ABLIM2: variants seen among roughly 807,000 people sequenced by gnomAD.
The protein encoded by ABLIM2 is actin binding LIM protein family member 2, also known as actin-binding LIM protein 2.
Under a neutral mutation model 97.7 loss-of-function variants are expected in ABLIM2, and 53 were observed. That is an observed-to-expected ratio of 0.54 (90% confidence interval 0.44 to 0.68). ABLIM2 has a LOEUF of 0.68. ABLIM2 is among the 30% of genes least tolerant of loss of function. ABLIM2 has a pLI of 0.00. For missense variants in ABLIM2, 835 were observed against 867.2 expected (o/e 0.96, Z 0.47); for synonymous variants, 361 against 345.8 (o/e 1.04, Z -0.49).
Position 8,004,139 on chromosome 4 carries a change from A to T in ABLIM2, c.1618+3920T>A, listed in dbSNP as rs1161341876. Among the ~76,000 whole-genome samples, 1 of 152,034 alleles carries T rather than the reference A, an allele frequency of 6.6e-6. No homozygotes were observed. The highest frequency in any genetic ancestry group is 1.5e-5 in the Non-Finnish European group (1 of 68,022). ...TTCCCTTCCACAGAAAAGCTGCAGC[A>T]GGGTCGCTGTCTCCTAACCCTCCCT... On this transcript the variant is annotated intron_variant, in intron 16 of 20. Transcript: ENST00000447017. The surrounding 1 kb of genome is among the most constrained non-coding windows in gnomAD (Gnocchi z 5.9).
rs1831108213 is a variant in ABLIM2 at position 8,095,533 on chromosome 4, A to G, written c.338+1566T>C. 1.3e-5 allele frequency among the ~76,000 whole-genome samples: 2 copies of G among 152,246 alleles called. No individual in the cohort carries two copies. Among genetic ancestry groups the G allele is most frequent in the Admixed American group, 1.3e-4 (2 of 15,286 alleles). ...GCAGACAGTTTATTTGCAGATCAAC[A>G]TGATCTTTTTTAAAAAATAATTAAT... On this transcript the variant is annotated intron_variant, in intron 3 of 20. Transcript: ENST00000447017. The surrounding 1 kb of genome is among the most constrained non-coding windows in gnomAD (Gnocchi z 4.7).
Position 8,029,688 on chromosome 4 carries a change from G to T in ABLIM2, c.1136C>A (p.Thr379Asn). The change falls in exon 11 of 21, where the codon ACC becomes AAC. Residue 379 changes from threonine (T) to asparagine (N), a missense_variant. Coordinates refer to ENST00000447017, the MANE Select transcript of ABLIM2 (RefSeq NM_001130083.2). ...GSVSLGRYTP[T>N]SRSPQHYSRP... Reference sequence around the variant, plus strand: ...GCTGTAGTGCTGTGGTGACCGTGAGGTCGGAGTGTAGCGCCCGAGGCTAAC... The same window carrying T: ...GCTGTAGTGCTGTGGTGACCGTGAGTTCGGAGTGTAGCGCCCGAGGCTAAC... 6.4e-7 allele frequency: 1 copy of T among 1,551,030 alleles called. No individual in the cohort carries two copies. Among genetic ancestry groups the T allele is most frequent in the Non-Finnish European group, 8.7e-7 (1 of 1,147,112 alleles).
intron 20 of ABLIM2, among the ~76,000 whole-genome samples, chr4:7,977,706 G>A (rs1233000493): frequency 1.3e-5 from 2 of 152,020 alleles, no homozygotes; most frequent in African/African-American, 4.8e-5. Context: ...CAGGAGAATC[G>A]CTTGAACCCA....
chr4:8,029,988 C>A (rs1779850248), intron 10 of ABLIM2, among the ~76,000 whole-genome samples: 1 of 152,180 alleles, frequency 6.6e-6, no homozygotes, highest in Non-Finnish European at 1.5e-5. Flanking sequence ...GCTGTGCCTG[C>A]TGGATCCTTG....
intron 2 of ABLIM2, among the ~76,000 whole-genome samples, chr4:8,104,505 G>A (rs1261292945): frequency 1.3e-5 from 2 of 152,172 alleles, no homozygotes; most frequent in Admixed American, 6.5e-5. Context: ...GTGATTCTTG[G>A]GGCATCAAGT....
Position 8,068,867 on chromosome 4 carries a change from A to C in ABLIM2, c.676-7813T>G, listed in dbSNP as rs1411807088. On this transcript the variant is annotated intron_variant, in intron 6 of 20. Transcript: ENST00000447017. This position sits in a 1 kb window ranked among gnomAD's most constrained non-coding sequence, Gnocchi z 4.5. The stretch of plus-strand genomic sequence containing the variant: ...CCAGGTCTTAAAAGACCTAATCACC[A>C]TGATGCACAAACAAAATGAAATTTA... Among the ~76,000 whole-genome samples, 1 of 152,272 alleles carries C rather than the reference A, an allele frequency of 6.6e-6. No individual in the cohort carries two copies. The highest frequency in any genetic ancestry group is 6.5e-5 in the Admixed American group (1 of 15,290).
intron 14 of ABLIM2, among the ~76,000 whole-genome samples, chr4:8,017,425 T>C (rs1356898147): frequency 6.6e-6 from 1 of 152,058 alleles, no homozygotes; most frequent in African/African-American, 2.4e-5. Context: ...TAGCTGGGAC[T>C]ACAGGTGCAC....
rs1461180224 is a variant in ABLIM2, at chr4:8,023,820, TC to T, written c.1268-3518del. Among the ~76,000 whole-genome samples the T allele has an allele frequency of 6.6e-6, 1 of 152,148 alleles. No individual in the cohort carries two copies. The highest frequency in any genetic ancestry group is 1.5e-5 in the Non-Finnish European group (1 of 68,042). On this transcript the variant is annotated intron_variant, in intron 12 of 20. Coordinates refer to ENST00000447017, the MANE Select transcript of ABLIM2 (RefSeq NM_001130083.2). The surrounding 1 kb of genome is among the most constrained non-coding windows in gnomAD (Gnocchi z 5.7). ...GGACTGACGGCTCTTGCTATTATAC[TC>T]TAGTTTACAATCCAATGACACATCC...
Position 7,970,684 on chromosome 4 carries a change from G to T in ABLIM2, c.1825-3581C>A, listed in dbSNP as rs141609717. On this transcript the variant is annotated intron_variant, in intron 20 of 20. Transcript: ENST00000447017. The surrounding 1 kb of genome is among the most constrained non-coding windows in gnomAD (Gnocchi z 5.3). ...CAGAGGTGCCCTTGGGGATGACTGT[G>T]GGGGGGCGGTGGAGGGAGCATCTGG... Among the ~76,000 whole-genome samples, 8 of 151,914 alleles carry T rather than the reference G, an allele frequency of 5.3e-5. No individual in the cohort carries two copies. The highest frequency in any genetic ancestry group is 2.1e-4 in the South Asian group (1 of 4,816).
intron 20 of ABLIM2, among the ~76,000 whole-genome samples, chr4:7,972,400 G>T (rs1057307204): frequency 2.0e-5 from 3 of 152,118 alleles, no homozygotes; most frequent in African/African-American, 7.2e-5. Context: ...CCTCCTGGAG[G>T]CCCTCCTAGA....
At chr4:8,111,096 T>G (rs1393107851) in intron 1 of ABLIM2, among the ~76,000 whole-genome samples, 1 of 152,244 alleles carries the variant, frequency 6.6e-6, no homozygotes, top group Non-Finnish European at 1.5e-5. Flanking sequence ...AAGTTTCAAG[T>G]GGTCCTTCAG....
chr4:8,018,345 T>C (rs1771023119), intron 14 of ABLIM2, among the ~76,000 whole-genome samples: 1 of 152,224 alleles, frequency 6.6e-6, no homozygotes, highest in African/African-American at 2.4e-5. Flanking sequence ...AGCCAGTCAC[T>C]TACTGTGGCT....
intron 6 of ABLIM2, 101 bp downstream of exon 6, chr4:8,077,527 A>C (rs986402807): frequency 1.7e-4 from 198 of 1,169,294 alleles, no homozygotes; most frequent in Non-Finnish European, 2.2e-4. Context: ...CTGCAGCCAG[A>C]CAGATTCTTG....
rs1831160762 is a variant in ABLIM2 at position 8,095,626 on chromosome 4, C to G, written c.338+1473G>C. 6.6e-6 allele frequency among the ~76,000 whole-genome samples: 1 copy of G among 152,160 alleles called. No individual in the cohort carries two copies. Among genetic ancestry groups the G allele is most frequent in the Non-Finnish European group, 1.5e-5 (1 of 68,040 alleles). On this transcript the variant is annotated intron_variant, in intron 3 of 20. Transcript: ENST00000447017. The surrounding 1 kb of genome is among the most constrained non-coding windows in gnomAD (Gnocchi z 4.7). ...CTCCAGTTCCTGGTCTCAAGCGATC[C>G]TCCTACCTTGGCCTCCCGAGGTGCT...
chr4:8,016,127 C>A (rs935926585), intron 14 of ABLIM2, among the ~76,000 whole-genome samples: 2 of 148,242 alleles, frequency 1.3e-5, no homozygotes, highest in Non-Finnish European at 3.0e-5. Flanking sequence ...TCACTGCAAC[C>A]TCTGCCTCCC....
chr4:7,967,132 A>G (rs769786395), intron 20 of ABLIM2, 29 bp from the exon 21 acceptor site: 1 of 1,586,044 alleles, frequency 6.3e-7, no homozygotes, highest in Non-Finnish European at 8.6e-7. Flanking sequence ...AACAGAAGGG[A>G]CCAGTTAGCC....
rs6849594 is a variant in ABLIM2, at chr4:8,095,041, C to T, written c.338+2058G>A. 0.26 allele frequency among the ~76,000 whole-genome samples: 36,853 copies of T among 142,978 alleles called. 4,910 individuals carry two copies. Among genetic ancestry groups the T allele is most frequent in the East Asian group, 0.32 (1,538 of 4,806 alleles). The allele number at this position is 142,978 out of a possible 152,430, so 93.8% of individuals were successfully genotyped here. The stretch of plus-strand genomic sequence containing the variant: ...CTCTCTCCCCCCACTTCTTTCCTTC[C>T]TTCCTTCTTTCTTTCTTTCTCTTTC... On this transcript the variant is annotated intron_variant, in intron 3 of 20. Coordinates refer to ENST00000447017, the MANE Select transcript of ABLIM2 (RefSeq NM_001130083.2). This position sits in a 1 kb window ranked among gnomAD's most constrained non-coding sequence, Gnocchi z 4.7.
Position 8,147,818 on chromosome 4 carries a change from G to A in ABLIM2, c.10+10862C>T, listed in dbSNP as rs1409656407. Among the ~76,000 whole-genome samples the A allele has an allele frequency of 6.6e-6, 1 of 152,204 alleles. No homozygotes were observed. The highest frequency in any genetic ancestry group is 1.5e-5 in the Non-Finnish European group (1 of 68,042). On this transcript the variant is annotated intron_variant, in intron 1 of 20. Coordinates refer to ENST00000447017, the MANE Select transcript of ABLIM2 (RefSeq NM_001130083.2). The surrounding 1 kb of genome is among the most constrained non-coding windows in gnomAD (Gnocchi z 5.3). ...TCTTGCTTTAAGCCTCCCAGCTTGT[G>A]GTCACTGGTGACCGCAGCCCCTAGA...
At chr4:8,079,989 G>A (rs190090929) in intron 5 of ABLIM2, among the ~76,000 whole-genome samples, 6 of 152,248 alleles carry the variant, frequency 3.9e-5, no homozygotes, top group East Asian at 1.9e-4. Context: ...TGCACCATGC[G>A]GAAGGCTTGC....
Sources: gnomAD v4.1 joint callset for allele counts (sites outside exome capture counted in the v4.1 genomes callset) on GRCh38, gnomAD v4.1.1 for gene constraint, Gnocchi (gnomAD v3.1) non-coding constraint, MANE v1.5 for transcripts, NCBI Gene and HGNC (gene_info 2026-07-23, HGNC 2026-07-21) for gene names.